IARS1: variants seen among roughly 807,000 people sequenced by gnomAD.
IARS1 encodes isoleucine--tRNA ligase, cytoplasmic.
A neutral mutation model predicts 168.2 loss-of-function variants in IARS1; 124 were observed. That is an observed-to-expected ratio of 0.74 (90% CI 0.64 to 0.86). IARS1 has a LOEUF of 0.86. IARS1 is among the 40% of genes least tolerant of loss of function. IARS1 has a pLI of 0.00. For synonymous variants in IARS1, 532 were observed against 529.4 expected (o/e 1.00, Z -0.07); for missense variants, 1,452 against 1,515.8 (o/e 0.96, Z 0.70).
chr9:92,248,652 CAAAAAAAAAAAAAAAA>C (rs886459066), intron 25 of IARS1, among the ~76,000 whole-genome samples: 3 of 46,746 alleles, frequency 6.4e-5, no homozygotes, highest in African/African-American at 2.4e-4. Context: ...GACCCTGTCA[CAAAAAAAAAAAAAAAA>C]AAAAAAAAAA....
At position 92,211,583 on chromosome 9, in the gene IARS1, G is replaced by A. The variant is rs147404082; in HGVS notation, c.3707-694C>T. ...CTCCTTGCAGGTGGAGTTAGATATC[G>A]GGCAGACTCCTGGAGCCTTCTGGAG... On this transcript the variant is annotated intron_variant, in intron 33 of 33. Coordinates refer to ENST00000443024, the MANE Select transcript of IARS1 (RefSeq NM_002161.6). Among the ~76,000 whole-genome samples the A allele has an allele frequency of 4.0e-3, 610 of 152,172 alleles. 2 individuals are homozygous for A. Among genetic ancestry groups the A allele is most frequent in the African/African-American group, 0.013 (557 of 41,504 alleles).
intron 33 of IARS1, among the ~76,000 whole-genome samples, chr9:92,219,981 C>T (rs1466281022): frequency 3.7e-4 from 55 of 149,602 alleles, no homozygotes; most frequent in South Asian, 3.2e-3. Flanking sequence ...ATGTTTATTG[C>T]GGCATTATTC....
intron 30 of IARS1, among the ~76,000 whole-genome samples, chr9:92,235,977 C>A (rs1276970220): frequency 6.6e-6 from 1 of 151,786 alleles, no homozygotes; most frequent in Admixed American, 6.6e-5. Flanking sequence ...TATCTGTTTT[C>A]TATCTTTTTT....
intron 6 of IARS1, among the ~76,000 whole-genome samples, chr9:92,283,420 G>C (rs1403796464): frequency 6.6e-6 from 1 of 152,140 alleles, no homozygotes; most frequent in African/African-American, 2.4e-5. Context: ...GAGGCAGGTG[G>C]ATCAACTGAG....
intron 33 of IARS1, 87 bp downstream of exon 33, chr9:92,222,433 T>C: frequency 1.0e-6 from 1 of 976,024 alleles, no homozygotes; most frequent in South Asian, 1.5e-5. Context: ...AATAGTACTA[T>C]CTTACATGTA....
chr9:92,214,850 C>A (rs571308863), intron 33 of IARS1, among the ~76,000 whole-genome samples: 3 of 152,210 alleles, frequency 2.0e-5, no homozygotes, highest in Non-Finnish European at 4.4e-5. Context: ...GGGGGAGGGG[C>A]GCCCGCCATT....
chr9:92,251,718 G>T, intron 22 of IARS1, 90 bp downstream of exon 22: 1 of 854,116 alleles, frequency 1.2e-6, no homozygotes. Context: ...GAATAATACA[G>T]AATGGATATA....
chr9:92,293,426 C>G (rs1016050148), intron 1 of IARS1, 185 bp downstream of exon 1: 1 of 531,562 alleles, frequency 1.9e-6, no homozygotes, highest in Non-Finnish European at 3.9e-6. Flanking sequence ...AGATTTTACT[C>G]ATTTCAAACA....
At chr9:92,280,935 A>AT in intron 6 of IARS1, 42 bp from the exon 7 acceptor site, 1 of 1,442,008 alleles carries the variant, frequency 6.9e-7, no homozygotes, top group Non-Finnish European at 9.6e-7. Context: ...GAAATCCACA[A>AT]TAACAGACAC....
In IARS1 at chr9:92,271,700, T is replaced by TG. The variant is rs1437633222; in HGVS notation, c.991-46dup. 1.9e-6 allele frequency: 3 copies of TG among 1,604,236 alleles called. 1 individual carries two copies. Among genetic ancestry groups the TG allele is most frequent in the Non-Finnish European group, 2.6e-6 (3 of 1,171,404 alleles). ...AGGGAAGAATAAAACAGTCTATGTA[T>TG]GGGTGTGAGCATGAGGTAATAGATT... On this transcript the variant is annotated intron_variant, in intron 10 of 33. Transcript: ENST00000443024.
chr9:92,240,829 C>G (rs1828280667), intron 30 of IARS1, 27 bp downstream of exon 30: 1 of 1,437,436 alleles, frequency 7.0e-7, no homozygotes, highest in Non-Finnish European at 9.8e-7. Flanking sequence ...AAAAAAAAGT[C>G]ACACAAATCA....
intron 25 of IARS1, among the ~76,000 whole-genome samples, chr9:92,248,653 A>AT (rs1223287770): frequency 1.1e-5 from 1 of 95,136 alleles, no homozygotes; most frequent in Non-Finnish European, 2.2e-5. Flanking sequence ...ACCCTGTCAC[A>AT]AAAAAAAAAA....
intron 33 of IARS1, among the ~76,000 whole-genome samples, chr9:92,216,546 C>T (rs1223056907): frequency 1.7e-3 from 215 of 124,078 alleles, no homozygotes; most frequent in African/African-American, 6.3e-3. Flanking sequence ...TGCAGAGACA[C>T]ACATAGGCTC....
chr9:92,251,030 G>GA, intron 22 of IARS1, 196 bp from the exon 23 acceptor site: 1 of 636,946 alleles, frequency 1.6e-6, no homozygotes. Context: ...ACTGTAGATA[G>GA]AAAAACCCAA....
chr9:92,227,785 G>A (rs1484603275), intron 31 of IARS1, among the ~76,000 whole-genome samples: 15 of 151,328 alleles, frequency 9.9e-5, no homozygotes, highest in African/African-American at 1.5e-4. Context: ...GATGGCGGCC[G>A]GGAAGAGGCG....
At chr9:92,234,867 G>A (rs1827247591) in intron 30 of IARS1, among the ~76,000 whole-genome samples, 1 of 148,946 alleles carries the variant, frequency 6.7e-6, no homozygotes, top group Non-Finnish European at 1.5e-5. Context: ...TTTTTGAGAT[G>A]GAGTTCGTTC....
chr9:92,217,840 G>A (rs1003998738), intron 33 of IARS1, among the ~76,000 whole-genome samples: 6 of 152,052 alleles, frequency 3.9e-5, no homozygotes, highest in African/African-American at 1.4e-4. Context: ...AATTCTACCA[G>A]AGGTACAAGG....
intron 6 of IARS1, among the ~76,000 whole-genome samples, chr9:92,283,724 C>T (rs1221526218): frequency 6.6e-6 from 1 of 152,040 alleles, no homozygotes; most frequent in Non-Finnish European, 1.5e-5. Context: ...GTGTACAAGA[C>T]CTAAAAGACA....
intron 1 of IARS1, among the ~76,000 whole-genome samples, 162 bp from the exon 2 acceptor site, chr9:92,289,588 A>G (rs1338428614): frequency 6.6e-6 from 1 of 152,200 alleles, no homozygotes; most frequent in Non-Finnish European, 1.5e-5. Context: ...TGTACAATTC[A>G]GTGGCTTTTT....
Sources: gnomAD v4.1 joint callset for allele counts (sites outside exome capture counted in the v4.1 genomes callset) on GRCh38, gnomAD v4.1.1 for gene constraint, MANE v1.5 for transcripts, NCBI Gene and HGNC (gene_info 2026-07-23, HGNC 2026-07-21) for gene names.